The following GALNTL5 variants were observed in gnomAD, a reference collection of about 807,000 sequenced individuals.
The protein encoded by GALNTL5 is polypeptide N-acetylgalactosaminyltransferase like 5.
A neutral mutation model predicts 51.0 loss-of-function variants in GALNTL5; 44 were observed. That is an observed-to-expected ratio of 0.86 (90% CI 0.68 to 1.11). GALNTL5 has a LOEUF of 1.11. Ranked by LOEUF, GALNTL5 falls within the 50% of genes least tolerant of loss-of-function variation. The pLI is 0.00. For synonymous variants in GALNTL5, 192 were observed against 182.8 expected (o/e 1.05, Z -0.41); for missense variants, 528 against 531.8 (o/e 0.99, Z 0.07).
At chr7:151,976,272 C>A (rs984110007) in intron 3 of GALNTL5, among the ~76,000 whole-genome samples, 4 of 152,148 alleles carry the variant, frequency 2.6e-5, no homozygotes, top group African/African-American at 9.7e-5. Context: ...GATATATTTA[C>A]AACATGTCTT....
chr7:151,984,542 T>C (rs1163763479), intron 4 of GALNTL5, among the ~76,000 whole-genome samples: 1 of 152,032 alleles, frequency 6.6e-6, no homozygotes, highest in Non-Finnish European at 1.5e-5. Context: ...AGTTGTGTGG[T>C]GGAAATGTAG....
intron 5 of GALNTL5, among the ~76,000 whole-genome samples, chr7:152,001,585 C>G (rs991626533): frequency 1.3e-5 from 2 of 152,134 alleles, no homozygotes; most frequent in Non-Finnish European, 2.9e-5. Flanking sequence ...TGGTTTATTT[C>G]TGGTTTCTGT....
At chr7:151,971,190 T>C (rs2081133691) in intron 3 of GALNTL5, 125 bp downstream of exon 3, 1 of 737,844 alleles carries the variant, frequency 1.4e-6, no homozygotes. Flanking sequence ...AGAAATGTTA[T>C]AGATTCCTAT....
At chr7:151,960,747 G>C (rs969974503) in intron 1 of GALNTL5, 1 of 152,230 alleles carries the variant, frequency 6.6e-6, no homozygotes, top group Non-Finnish European at 1.5e-5. Context: ...AAAGCGGCTT[G>C]CCTCGGTCAT....
Position 152,014,687 on chromosome 7 carries a change from G to A in GALNTL5, c.1070G>A (p.Arg357Gln), listed in dbSNP as rs777799870. 1.1e-5 allele frequency: 18 copies of A among 1,613,420 alleles called. No individual in the cohort carries two copies. In the South Asian group the frequency reaches 1.8e-4, roughly 16 times the overall value. ...GGQLFIIPCS[R>Q]VGHISKKQTG... Reference sequence around the variant, plus strand: ...CAACTCTTTATAATCCCCTGCTCTCGAGTAGGACATATCAGTAAGAAACAA... The same window carrying A: ...CAACTCTTTATAATCCCCTGCTCTCAAGTAGGACATATCAGTAAGAAACAA... The change falls in exon 8 of 9, where the codon CGA becomes CAA. Residue 357 changes from arginine (R) to glutamine (Q), a missense_variant. By Grantham distance (43) the Arg-to-Gln change is conservative. Coordinates refer to ENST00000392800, the MANE Select transcript of GALNTL5 (RefSeq NM_145292.4).
At chr7:151,966,522 G>A (rs1229125540) in intron 1 of GALNTL5, among the ~76,000 whole-genome samples, 1 of 152,064 alleles carries the variant, frequency 6.6e-6, no homozygotes, top group Non-Finnish European at 1.5e-5. Flanking sequence ...ACCTGCCTCG[G>A]CCTCCCAAAA....
intron 1 of GALNTL5, among the ~76,000 whole-genome samples, chr7:151,959,922 G>T (rs745476678): frequency 1.9e-4 from 29 of 152,106 alleles, no homozygotes; most frequent in Non-Finnish European, 3.5e-4. Flanking sequence ...TCTCTGGCGT[G>T]TCTCTACCCA....
chr7:151,985,339 C>T (rs1299904628), intron 4 of GALNTL5, among the ~76,000 whole-genome samples: 3 of 152,160 alleles, frequency 2.0e-5, no homozygotes, highest in Non-Finnish European at 4.4e-5. Flanking sequence ...CCCAACCAGA[C>T]ACCTCTGCTT....
At chr7:151,962,767 C>A (rs1436583353) in intron 1 of GALNTL5, among the ~76,000 whole-genome samples, 6 of 152,084 alleles carry the variant, frequency 3.9e-5, no homozygotes, top group Non-Finnish European at 8.8e-5. Flanking sequence ...CACCACCATG[C>A]CCAGCTAATT....
chr7:151,993,606 T>C (rs1468070354), intron 5 of GALNTL5, among the ~76,000 whole-genome samples: 2 of 152,172 alleles, frequency 1.3e-5, no homozygotes. Context: ...TTTTTCACAA[T>C]GTCTATGTGT....
At chr7:152,005,799 A>G (rs2081634845) in intron 6 of GALNTL5, among the ~76,000 whole-genome samples, 1 of 152,192 alleles carries the variant, frequency 6.6e-6, no homozygotes, top group Non-Finnish European at 1.5e-5. Context: ...ATTATTGTCA[A>G]TAGAATTACT....
intron 3 of GALNTL5, among the ~76,000 whole-genome samples, chr7:151,980,008 A>G (rs1343898312): frequency 6.6e-6 from 1 of 152,100 alleles, no homozygotes. Flanking sequence ...TATTCATGGT[A>G]TTGGCCTTCC....
rs538034487 is a variant in GALNTL5, at chr7:151,979,531, C to T, written c.369-3455C>T. Among the ~76,000 whole-genome samples, 643 of 151,784 alleles carry T rather than the reference C, an allele frequency of 4.2e-3. 4 individuals are homozygous for T. The highest frequency in any genetic ancestry group is 0.015 in the African/African-American group (619 of 41,348). On this transcript the variant is annotated intron_variant, in intron 3 of 8. Coordinates refer to ENST00000392800, the MANE Select transcript of GALNTL5 (RefSeq NM_145292.4). The stretch of plus-strand genomic sequence containing the variant: ...GTAGAGTGCAATGGCAGGATCTTGG[C>T]TCACTGCAACCTCCACCTCCCGGGT...
chr7:151,959,609 C>T (rs1188717306), intron 1 of GALNTL5, among the ~76,000 whole-genome samples: 1 of 152,180 alleles, frequency 6.6e-6, no homozygotes, highest in Non-Finnish European at 1.5e-5. Context: ...CTCCCTTAAT[C>T]TGTATCCTCT....
intron 2 of GALNTL5, 76 bp downstream of exon 2, chr7:151,967,569 C>A: frequency 1.6e-6 from 2 of 1,262,814 alleles, no homozygotes; most frequent in Non-Finnish European, 2.2e-6. Flanking sequence ...TGGAAGAGTA[C>A]GAGACTATCC....
chr7:151,995,811 A>G (rs1011841174), intron 5 of GALNTL5, among the ~76,000 whole-genome samples: 1 of 152,214 alleles, frequency 6.6e-6, no homozygotes, highest in Non-Finnish European at 1.5e-5. Flanking sequence ...AAAAATAATA[A>G]AATACAAAAT....
chr7:151,987,093 A>G (rs2081367799), intron 4 of GALNTL5, 66 bp from the exon 5 acceptor site: 1 of 1,343,216 alleles, frequency 7.4e-7, no homozygotes, highest in Non-Finnish European at 1.0e-6. Flanking sequence ...CGTCATAATG[A>G]TGATACACTG....
intron 5 of GALNTL5, among the ~76,000 whole-genome samples, chr7:152,001,609 C>T (rs186408790): frequency 5.3e-5 from 8 of 152,200 alleles, no homozygotes; most frequent in African/African-American, 1.9e-4. Flanking sequence ...TATCCTTACA[C>T]CAATGGCACA....
chr7:151,973,704 C>A (rs1423164109), intron 3 of GALNTL5, among the ~76,000 whole-genome samples: 1 of 152,164 alleles, frequency 6.6e-6, no homozygotes, highest in Non-Finnish European at 1.5e-5. Context: ...TGGGTTAATG[C>A]TGGAATGAGT....
Sources: allele counts gnomAD v4.1 joint callset (sites outside exome capture counted in the v4.1 genomes callset), GRCh38; gene constraint gnomAD v4.1.1; transcripts MANE v1.5; gene names NCBI Gene and HGNC (gene_info 2026-07-23, HGNC 2026-07-21).